ANO3: variants seen among roughly 807,000 people sequenced by gnomAD.
ANO3 encodes anoctamin-3.
In ANO3, 99 loss-of-function variants were observed where a neutral mutation model predicts 144.8. The ratio of observed to expected loss-of-function variants is 0.68; its 90% confidence interval spans 0.58 to 0.81. The LOEUF (loss-of-function observed/expected upper bound fraction) is 0.81. Ranked by LOEUF, ANO3 falls within the 30% of genes least tolerant of loss-of-function variation. The probability of loss-of-function intolerance (pLI) is 0.00; values close to 1 mark genes in which losing one functional copy is unlikely to be tolerated. For synonymous variants in ANO3, 414 were observed against 392.6 expected, an observed-to-expected ratio of 1.05 and a Z score of -0.64; for missense variants, 905 against 1,202.2, an observed-to-expected ratio of 0.75 and a Z score of 3.66.
intron 1 of ANO3, among the ~76,000 whole-genome samples, chr11:26,373,514 C>A (rs1286163990): frequency 1.3e-5 from 2 of 152,162 alleles, no homozygotes; most frequent in African/African-American, 4.8e-5. Context: ...TTATAAATTA[C>A]CCCGTTTTAG....
At chr11:26,365,954 T>TTATATA (rs1158168765) in intron 1 of ANO3, among the ~76,000 whole-genome samples, 38 of 54,382 alleles carry the variant, frequency 7.0e-4, no homozygotes, top group African/African-American at 2.3e-3. Context: ...CATTTTTTCT[T>TTATATA]TATATATATA....
intron 1 of ANO3, among the ~76,000 whole-genome samples, chr11:26,353,564 T>A (rs970472376): frequency 3.3e-5 from 5 of 152,116 alleles, no homozygotes; most frequent in African/African-American, 7.2e-5. Context: ...ATTCCTTTCT[T>A]CCCTTCGTTC....
chr11:26,611,204 A>G (rs1265352778), intron 17 of ANO3, among the ~76,000 whole-genome samples: 4 of 151,768 alleles, frequency 2.6e-5, no homozygotes, highest in Non-Finnish European at 5.9e-5. Context: ...TTTGAGCTGC[A>G]TGGTCAGGTT....
At position 26,661,996 on chromosome 11, in the gene ANO3, A is replaced by G. The variant is rs1017757600; in HGVS notation, c.*1552A>G. On this transcript the variant is annotated 3_prime_UTR_variant, in exon 27 of 27. Transcript: ENST00000256737. ...AGCAAAGCACCATTATTTCTAACAT[A>G]TAAAAGACCAGATCAAACACAATGG... The G allele has an allele frequency of 6.6e-6, 1 of 152,136 alleles. No individual in the cohort carries two copies. Among genetic ancestry groups the G allele is most frequent in the African/African-American group, 2.4e-5 (1 of 41,448 alleles). The allele number at this position is 152,136 out of a possible 1,614,324, so 9.4% of individuals were successfully genotyped here.
intron 1 of ANO3, among the ~76,000 whole-genome samples, chr11:26,195,060 C>T (rs1451997706): frequency 1.3e-5 from 2 of 152,142 alleles, no homozygotes; most frequent in Admixed American, 6.5e-5. Flanking sequence ...TGTCTGTGGG[C>T]ATTCCTGTTT....
At position 26,496,350 on chromosome 11, in the gene ANO3, G is replaced by A. The variant is rs79872123; in HGVS notation, c.433-11754G>A. Among the ~76,000 whole-genome samples the A allele has an allele frequency of 3.3e-3, 498 of 152,258 alleles. 3 individuals carry two copies. The highest frequency in any genetic ancestry group is 0.011 in the African/African-American group (470 of 41,548). On this transcript the variant is annotated intron_variant, in intron 4 of 26. Coordinates refer to ENST00000256737, the MANE Select transcript of ANO3 (RefSeq NM_031418.4). Reference sequence around the variant, plus strand: ...TGGGCTGTCTGACTCGTTCACCAGTGTATCCCTGGCACCTAGGACACAAAA... The same window carrying A: ...TGGGCTGTCTGACTCGTTCACCAGTATATCCCTGGCACCTAGGACACAAAA...
rs569791948 is a variant in ANO3, at chr11:26,288,031, C to G, written c.155-21614C>G. On this transcript the variant is annotated intron_variant, in intron 1 of 27. Transcript: ENST00000672621. ...TACATTCTTCTCCAGATATACTATG[C>G]GTTGTTCACACTGTAGAGGGTAGAC... 11 of 152,370 alleles carry G rather than the reference C, an allele frequency of 7.2e-5. No homozygotes were observed. In the South Asian group the frequency reaches 2.3e-3, roughly 32 times the overall value. The allele number at this position is 152,370 out of a possible 1,614,324, so 9.4% of individuals were successfully genotyped here.
At chr11:26,596,137 G>T (rs1409921555) in intron 14 of ANO3, among the ~76,000 whole-genome samples, 1 of 152,136 alleles carries the variant, frequency 6.6e-6, no homozygotes, top group Non-Finnish European at 1.5e-5. Flanking sequence ...GCTTTTAAAG[G>T]AATAGGGCAC....
chr11:26,545,143 T>C (rs1849754631), intron 11 of ANO3, among the ~76,000 whole-genome samples: 1 of 152,060 alleles, frequency 6.6e-6, no homozygotes, highest in Non-Finnish European at 1.5e-5. Context: ...TTTGAGTAAG[T>C]TGTTCTTAAA....
intron 1 of ANO3, among the ~76,000 whole-genome samples, chr11:26,416,378 A>G (rs1003313914): frequency 1.3e-5 from 2 of 152,066 alleles, no homozygotes; most frequent in Non-Finnish European, 2.9e-5. Flanking sequence ...GACACAAGAT[A>G]CACTCAGGAA....
At chr11:26,542,559 A>G (rs548400956) in intron 11 of ANO3, among the ~76,000 whole-genome samples, 12 of 152,196 alleles carry the variant, frequency 7.9e-5, no homozygotes, top group Non-Finnish European at 1.3e-4. Flanking sequence ...CAAACCGAAA[A>G]AAAGAAAGAA....
At chr11:26,378,778 G>A (rs1030501539) in intron 1 of ANO3, among the ~76,000 whole-genome samples, 2 of 152,072 alleles carry the variant, frequency 1.3e-5, no homozygotes, top group Non-Finnish European at 1.5e-5. Flanking sequence ...ACTGTACCCA[G>A]AAGGACACAG....
intron 24 of ANO3, among the ~76,000 whole-genome samples, chr11:26,650,127 A>T (rs973433640): frequency 2.0e-5 from 3 of 152,216 alleles, no homozygotes; most frequent in African/African-American, 7.2e-5. Context: ...CTTATGTTAC[A>T]GTGACACCAC....
At chr11:26,435,555 T>A (rs1175063506) in intron 1 of ANO3, among the ~76,000 whole-genome samples, 4 of 152,238 alleles carry the variant, frequency 2.6e-5, no homozygotes, top group Non-Finnish European at 5.9e-5. Flanking sequence ...TTTGGTCTCT[T>A]GACATAATCC....
intron 4 of ANO3, among the ~76,000 whole-genome samples, chr11:26,498,261 C>T (rs182649038): frequency 5.1e-4 from 78 of 151,824 alleles, no homozygotes; most frequent in African/African-American, 1.9e-3. Context: ...TGGACTTTAC[C>T]GTTTGAAGGT....
chr11:26,523,866 T>A (rs1849088033), intron 6 of ANO3, among the ~76,000 whole-genome samples: 1 of 152,210 alleles, frequency 6.6e-6, no homozygotes, highest in Non-Finnish European at 1.5e-5. Flanking sequence ...CTCCATATTA[T>A]TTTATAATAT....
intron 1 of ANO3, among the ~76,000 whole-genome samples, chr11:26,191,852 T>C (rs974418710): frequency 4.6e-5 from 7 of 152,216 alleles, no homozygotes; most frequent in Admixed American, 6.5e-5. Context: ...TGTAGGTATT[T>C]GTCCTATATA....
chr11:26,525,705 T>C, intron 7 of ANO3, 26 bp downstream of exon 7: 1 of 1,586,586 alleles, frequency 6.3e-7, no homozygotes, highest in Non-Finnish European at 8.6e-7. Flanking sequence ...ATCATTTCTT[T>C]ATAACAAATT....
At chr11:26,590,882 C>T (rs1289698681) in intron 14 of ANO3, among the ~76,000 whole-genome samples, 1 of 152,052 alleles carries the variant, frequency 6.6e-6, no homozygotes, top group Admixed American at 6.6e-5. Flanking sequence ...GAGTGTGCAG[C>T]TGCAAGATTT....
Sources: gnomAD v4.1 joint callset for allele counts (sites outside exome capture counted in the v4.1 genomes callset) on GRCh38, gnomAD v4.1.1 for gene constraint, MANE v1.5 for transcripts, NCBI Gene and HGNC (gene_info 2026-07-23, HGNC 2026-07-21) for gene names.